Variants in TNXB observed in about 807,000 individuals in gnomAD.
TNXB encodes the protein tenascin XB, also known as tenascin-X.
In TNXB, 183 loss-of-function variants were observed where a neutral mutation model predicts 340.5. That is an observed-to-expected ratio of 0.54 (90% CI 0.48 to 0.61). The LOEUF (loss-of-function observed/expected upper bound fraction) is 0.61. TNXB is among the 20% of genes least tolerant of loss of function. The probability of loss-of-function intolerance (pLI) is 0.00; values close to 1 mark genes in which losing one functional copy is unlikely to be tolerated. For synonymous variants in TNXB, 2,121 were observed against 2,314.5 expected, an observed-to-expected ratio of 0.92 and a Z score of 2.40; for missense variants, 4,613 against 5,446.4, an observed-to-expected ratio of 0.85 and a Z score of 4.82.
rs553575373 is a variant in TNXB at position 32,046,604 on chromosome 6, C to T, written c.10325-148G>A. 11 of 629,352 alleles carry T rather than the reference C, an allele frequency of 1.7e-5. 1 individual carries two copies. Among genetic ancestry groups the T allele is most frequent in the Non-Finnish European group, 2.8e-5 (11 of 393,036 alleles). 39.0% of individuals were successfully genotyped at this position (629,352 alleles called of 1,614,324 possible). A position where few individuals can be genotyped will look rare whatever the true frequency, so the allele number is the denominator to read the frequency against. ...TTGAGGAGACACACAGGCCTGCTCC[C>T]GCCATGCCCCACAGGAATGAGGGAG... On this transcript the variant is annotated intron_variant, in intron 30 of 43. Transcript: ENST00000644971. This position sits in a 1 kb window ranked among gnomAD's most constrained non-coding sequence, Gnocchi z 6.9.
chr6:32,091,563 C>T (rs998157068), intron 4 of TNXB, among the ~76,000 whole-genome samples: 9 of 151,988 alleles, frequency 5.9e-5, no homozygotes, highest in African/African-American at 2.2e-4. Context: ...CTACAACCTC[C>T]GCCTCCAAGA....
Position 32,050,242 on chromosome 6 carries a change from C to T in TNXB, c.9195G>A (p.Glu3065=), listed in dbSNP as rs201944713. 1 of 1,613,608 alleles carries T rather than the reference C, an allele frequency of 6.2e-7. No individual in the cohort carries two copies. Among genetic ancestry groups the T allele is most frequent in the Non-Finnish European group, 8.5e-7 (1 of 1,179,848 alleles). The change falls in exon 27 of 44, where the codon GAG becomes GAA. Residue 3065 remains glutamate, a synonymous_variant. Coordinates refer to ENST00000644971, the MANE Select transcript of TNXB (RefSeq NM_001365276.2). The part of the protein sequence containing the change: ...PEPPIKPRLG[E]LTVTDATPDS... ...CGGGGGTGGCATCTGTCACGGTCAG[C>T]TCCCCCAGGCGAGGCTTGATGGGGG...
rs751624417 is a variant in TNXB at position 32,058,101 on chromosome 6, G to A, written c.7782C>T (p.His2594=). The A allele has an allele frequency of 8.7e-6, 14 of 1,611,302 alleles. No homozygotes were observed. The highest frequency in any genetic ancestry group is 2.7e-5 in the African/African-American group (2 of 74,864). The change falls in exon 22 of 44, where the codon CAC becomes CAT. Residue 2594 remains histidine, a synonymous_variant. Transcript: ENST00000644971. This position sits in a 1 kb window ranked among gnomAD's most constrained non-coding sequence, Gnocchi z 5.1. ...RKYKMHLYGL[H]EGRRLGPVSA... is the part of the protein sequence containing the mutation. ...ACACCGGGCCCAGGCGCCGCCCCTC[G>A]TGGAGGCCGTACAGGTGCATCTTGT...
In TNXB at chr6:32,046,358, G is replaced by A; in HGVS notation, c.10423C>T (p.Pro3475Ser). 1 of 1,604,686 alleles carries A rather than the reference G, an allele frequency of 6.2e-7. No homozygotes were observed. The highest frequency in any genetic ancestry group is 1.1e-5 in the South Asian group (1 of 89,536). The stretch of plus-strand genomic sequence containing the variant: ...TACTGGACCACGAAGGAGTCAAAGG[G>A]GCCCTGGGCTACCGTCCAGGACAGG... Reference protein sequence around the residue: ...LRLSWTVAQGPFDSFVVQYRD... With the variant: ...LRLSWTVAQGSFDSFVVQYRD... The change falls in exon 31 of 44, where the codon CCC becomes TCC. Residue 3475 changes from proline (P) to serine (S), a missense_variant. Pro to Ser is a moderately conservative substitution (Grantham distance 74). This residue lies in a region of TNXB where 4,327 missense variants were observed against 4,859.4 expected (regional missense o/e 0.89). Coordinates refer to ENST00000644971, the MANE Select transcript of TNXB (RefSeq NM_001365276.2). The surrounding 1 kb of genome is among the most constrained non-coding windows in gnomAD (Gnocchi z 6.9).
intron 11 of TNXB, among the ~76,000 whole-genome samples, chr6:32,076,178 A>G (rs1253750174): frequency 6.6e-6 from 1 of 152,210 alleles, no homozygotes; most frequent in Non-Finnish European, 1.5e-5. Context: ...TCCATGAGGG[A>G]ATGAAAATGT....
rs1370089788 is a variant in TNXB, at chr6:32,067,667, C to A, written c.6538G>T (p.Val2180Phe). ...CTCTGCAGTGCACACTCACCCGTGA[C>A]GCCCACAGCAGACACTGGGCCCACG... ...RRVGPVSAVG[V>F]TAPEEESPDA... Residue 2180 changes from valine to phenylalanine, a missense_variant, in exon 18 of 44, where the codon GTC becomes TTC. By Grantham distance (50) the Val-to-Phe change is conservative. Around this residue, in one of 7 missense-constraint regions of TNXB, gnomAD observed 4,327 missense variants for 4,859.4 expected, o/e 0.89. Coordinates refer to ENST00000644971, the MANE Select transcript of TNXB (RefSeq NM_001365276.2). This position sits in a 1 kb window ranked among gnomAD's most constrained non-coding sequence, Gnocchi z 4.2. The A allele has an allele frequency of 6.2e-7, 1 of 1,613,036 alleles. No individual in the cohort carries two copies. The highest frequency in any genetic ancestry group is 8.5e-7 in the Non-Finnish European group (1 of 1,179,340).
chr6:32,069,120 C>T lies in TNXB; in HGVS notation c.5604G>A (p.Thr1868=), dbSNP rs368704862. ...GGGTCGGGGCCGTGGTCTCAGTTTC[C>T]GTTTCTTCCCTGCCGGCTGGTTCAC... ...AVAITAGREE[T]ETETTAPTPP... is the part of the protein sequence containing the mutation. The change falls in exon 16 of 44, where the codon ACG becomes ACA. Residue 1868 remains threonine (T), a synonymous_variant. Coordinates refer to ENST00000644971, the MANE Select transcript of TNXB (RefSeq NM_001365276.2). This position sits in a 1 kb window ranked among gnomAD's most constrained non-coding sequence, Gnocchi z 6.2. 8.7e-6 allele frequency: 14 copies of T among 1,608,272 alleles called. No individual in the cohort carries two copies. The East Asian group carries it at 1.3e-4, about 15-fold the overall frequency.
chr6:32,083,128 C>T lies in TNXB; in HGVS notation c.3446-802G>A, dbSNP rs757428931. On this transcript the variant is annotated intron_variant, in intron 8 of 43. Coordinates refer to ENST00000644971, the MANE Select transcript of TNXB (RefSeq NM_001365276.2). This position sits in a 1 kb window ranked among gnomAD's most constrained non-coding sequence, Gnocchi z 4.6. ...CCATTGCTAAATTCTGTGGACGCTC[C>T]GTAGCCCTTGAATCACTGTTCCGGA... 2.6e-5 allele frequency among the ~76,000 whole-genome samples: 4 copies of T among 152,156 alleles called. No individual in the cohort carries two copies. Among genetic ancestry groups the T allele is most frequent in the African/African-American group, 7.2e-5 (3 of 41,414 alleles).
chr6:32,079,894 C>A lies in TNXB; in HGVS notation c.4043-529G>T, dbSNP rs560784313. On this transcript the variant is annotated intron_variant, in intron 10 of 43. Coordinates refer to ENST00000644971, the MANE Select transcript of TNXB (RefSeq NM_001365276.2). The surrounding 1 kb of genome is among the most constrained non-coding windows in gnomAD (Gnocchi z 7.1). ...GGATCCAAGGAGAGACATGTCCTTC[C>A]CTGGCTGGCTCTGGAATCACAGCCC... is the stretch of plus-strand genomic sequence containing the variant. Among the ~76,000 whole-genome samples the A allele has an allele frequency of 1.1e-3, 173 of 152,342 alleles. No individual in the cohort carries two copies. The highest frequency in any genetic ancestry group is 6.8e-3 in the Middle Eastern group (2 of 294).
chr6:32,061,865 G>C lies in TNXB; in HGVS notation c.7169-145C>G. On this transcript the variant is annotated intron_variant, in intron 20 of 43. Coordinates refer to ENST00000644971, the MANE Select transcript of TNXB (RefSeq NM_001365276.2). This position sits in a 1 kb window ranked among gnomAD's most constrained non-coding sequence, Gnocchi z 4.4. The stretch of plus-strand genomic sequence containing the variant: ...GGGGACCTGAGGTCAGTTCAGAGAG[G>C]CCCATTCTTGGGGTCCTGCTCAGCT... 8.2e-7 allele frequency: 1 copy of C among 1,223,528 alleles called. No homozygotes were observed. The highest frequency in any genetic ancestry group is 1.1e-6 in the Non-Finnish European group (1 of 898,498). 75.8% of individuals were successfully genotyped at this position (1,223,528 alleles called of 1,614,324 possible).
chr6:32,093,529 C>T, intron 4 of TNXB: 1 of 588,160 alleles, frequency 1.7e-6, no homozygotes. Context: ...CCCCTTCTGT[C>T]CTAGTGCCTT....
In TNXB at chr6:32,085,971, C is replaced by T. The variant is rs200771983; in HGVS notation, c.2927G>A (p.Arg976His). 418 of 1,608,020 alleles carry T rather than the reference C, an allele frequency of 2.6e-4. No homozygotes were observed. The highest frequency in any genetic ancestry group is 1.7e-3 in the Middle Eastern group (9 of 5,442). The change falls in exon 7 of 44, where the codon CGC (arginine) becomes CAC (histidine). Residue 976 changes from arginine (R) to histidine (H), a missense_variant. Physicochemically the swap from Arg to His is conservative, Grantham distance 29. Coordinates refer to ENST00000644971, the MANE Select transcript of TNXB (RefSeq NM_001365276.2). The surrounding 1 kb of genome is among the most constrained non-coding windows in gnomAD (Gnocchi z 6.4). ...CTGGGCGGTCCAGACCACACGGAGG[C>T]GCCCTGTCTCATCTCTGCCCAGCAC... ...LRVLGRDETG[R>H]LRVVWTAQPD...
Position 32,072,387 on chromosome 6 carries a change from G to T in TNXB, c.4682-89C>A. 1.8e-6 allele frequency: 2 copies of T among 1,113,148 alleles called. No individual in the cohort carries two copies. The highest frequency in any genetic ancestry group is 2.5e-6 in the Non-Finnish European group (2 of 807,088). 69.0% of individuals were successfully genotyped at this position (1,113,148 alleles called of 1,614,324 possible). A position where few individuals can be genotyped will look rare whatever the true frequency, so the allele number is the denominator to read the frequency against. On this transcript the variant is annotated intron_variant, in intron 12 of 43. Transcript: ENST00000644971. This position sits in a 1 kb window ranked among gnomAD's most constrained non-coding sequence, Gnocchi z 4.4. Reference sequence around the variant, plus strand: ...GGGCCTCAGGGGGGCTGTGAACTGAGATGGGGAATAGTTACACCTTTACTT... The same window carrying T: ...GGGCCTCAGGGGGGCTGTGAACTGATATGGGGAATAGTTACACCTTTACTT...
rs775825339 is a variant in TNXB, at chr6:32,085,912, G to T, written c.2986C>A (p.Arg996=). 6 of 1,608,638 alleles carry T rather than the reference G, an allele frequency of 3.7e-6. No individual in the cohort carries two copies. The highest frequency in any genetic ancestry group is 3.3e-5 in the Admixed American group (2 of 60,020). The part of the protein sequence containing the change: ...DTFAYFQLRM[R]VPEGPGAHEE... Reference sequence around the variant, plus strand: ...TGTGCCCCCGGCCCCTCGGGCACCCGCATGCGCAGTTGGAAGTAGGCAAAG... The same window carrying T: ...TGTGCCCCCGGCCCCTCGGGCACCCTCATGCGCAGTTGGAAGTAGGCAAAG... The change falls in exon 7 of 44, where the codon CGG becomes AGG. Residue 996 remains arginine (R), a synonymous_variant. Transcript: ENST00000644971. The surrounding 1 kb of genome is among the most constrained non-coding windows in gnomAD (Gnocchi z 6.4).
In TNXB at chr6:32,047,912, G is replaced by A. The variant is rs146798373; in HGVS notation, c.10146C>T (p.Phe3382=). The change falls in exon 30 of 44, where the codon TTC becomes TTT. Residue 3382 remains phenylalanine, a synonymous_variant. Coordinates refer to ENST00000644971, the MANE Select transcript of TNXB (RefSeq NM_001365276.2). The surrounding 1 kb of genome is among the most constrained non-coding windows in gnomAD (Gnocchi z 6.2). ...CCTTGTACTGGACCACGAAGGAGTC[G>A]AATTCGCCCTCAGGGACCGTCCACG... is the stretch of plus-strand genomic sequence containing the variant. ...GLSWTVPEGE[F]DSFVVQYKDK... The A allele has an allele frequency of 3.5e-5, 57 of 1,612,664 alleles. No homozygotes were observed. In the Middle Eastern group the frequency reaches 1.2e-3, roughly 33 times the overall value.
chr6:32,091,452 C>G (rs934854620), intron 4 of TNXB, among the ~76,000 whole-genome samples: 1 of 150,624 alleles, frequency 6.6e-6, no homozygotes, highest in Non-Finnish European at 1.5e-5. Context: ...CTGGCTCTGC[C>G]CCTTGGTAAA....
Position 32,082,074 on chromosome 6 carries a change from T to C in TNXB, c.3698A>G (p.Lys1233Arg). ...YRFTLFGIAN[K>R]KRYGPLTADG... ...GGCCGTGAGGGGGCCATACCGCTTC[T>C]TGTTCGCAATTCCAAACAGAGTGAA... Residue 1233 changes from lysine (K) to arginine (R), a missense_variant, in exon 9 of 44, where the codon AAG becomes AGG. Physicochemically the swap from Lys to Arg is conservative, Grantham distance 26 (BLOSUM62 2). Transcript: ENST00000644971. This position sits in a 1 kb window ranked among gnomAD's most constrained non-coding sequence, Gnocchi z 5.0. 1.2e-6 allele frequency: 2 copies of C among 1,609,000 alleles called. No homozygotes were observed. Among genetic ancestry groups the C allele is most frequent in the Non-Finnish European group, 1.7e-6 (2 of 1,177,992 alleles).
chr6:32,069,795 A>G lies in TNXB; in HGVS notation c.5345T>C (p.Leu1782Pro), dbSNP rs916588878. The change falls in exon 15 of 44, where the codon CTG (leucine) becomes CCG (proline). Residue 1782 changes from leucine to proline, a missense_variant. Physicochemically the swap from Leu to Pro is moderately conservative, Grantham distance 98. Around this residue, in one of 7 missense-constraint regions of TNXB, gnomAD observed 4,327 missense variants for 4,859.4 expected, o/e 0.89. Transcript: ENST00000644971. The surrounding 1 kb of genome is among the most constrained non-coding windows in gnomAD (Gnocchi z 6.2). ...RPPKPRLGEE[L>P]QVTTVTQNSV... ...GTTCTGGGTCACGGTGGTCACCTGC[A>G]GCTCCTCCCCCAGACGGGGTTTTGG... The G allele has an allele frequency of 6.2e-7, 1 of 1,609,192 alleles. No individual in the cohort carries two copies. The highest frequency in any genetic ancestry group is 8.5e-7 in the Non-Finnish European group (1 of 1,177,866).
At position 32,087,650 on chromosome 6, in the gene TNXB, C is replaced by T; in HGVS notation, c.2779+1135G>A. ...CGGGGCGGGGGTGCGGGGGAGCCGG[C>T]TGGGGCGGCGGCCAACAGACGCCGC... On this transcript the variant is annotated intron_variant, in intron 6 of 43. Coordinates refer to ENST00000644971, the MANE Select transcript of TNXB (RefSeq NM_001365276.2). This position sits in a 1 kb window ranked among gnomAD's most constrained non-coding sequence, Gnocchi z 9.0. 2.4e-6 allele frequency: 1 copy of T among 422,838 alleles called. No individual in the cohort carries two copies. The highest frequency in any genetic ancestry group is 4.8e-6 in the Non-Finnish European group (1 of 209,236). 26.2% of individuals were successfully genotyped at this position (422,838 alleles called of 1,614,324 possible). A position where few individuals can be genotyped will look rare whatever the true frequency, so the allele number is the denominator to read the frequency against.
Sources: allele counts gnomAD v4.1 joint callset (sites outside exome capture counted in the v4.1 genomes callset), GRCh38; gene constraint gnomAD v4.1.1; regional missense constraint gnomAD v4.1.1; non-coding constraint Gnocchi (gnomAD v3.1); transcripts MANE v1.5; gene names NCBI Gene and HGNC (gene_info 2026-07-23, HGNC 2026-07-21).